The following GRID1 variants were observed in gnomAD, a reference collection of about 807,000 sequenced individuals.
GRID1 encodes glutamate ionotropic receptor delta type subunit 1.
GRID1 carries 28 observed loss-of-function variants against 98.0 expected under a neutral mutation model. The ratio of observed to expected loss-of-function variants is 0.29; its 90% confidence interval spans 0.21 to 0.39. The LOEUF is 0.39. Among genes scored for constraint, GRID1 ranks in the 10% least tolerant of loss-of-function variants. The pLI, the probability that GRID1 is intolerant of heterozygous loss-of-function variation, is 1.00. For missense variants in GRID1, 1,111 were observed against 1,340.5 expected, an observed-to-expected ratio of 0.83 and a Z score of 2.67; for synonymous variants, 553 against 538.5, an observed-to-expected ratio of 1.03 and a Z score of -0.37.
At chr10:86,042,223 T>G (rs1483525395) in intron 4 of GRID1, among the ~76,000 whole-genome samples, 3 of 152,186 alleles carry the variant, frequency 2.0e-5, no homozygotes. Context: ...CAATCCCCCC[T>G]GGGACAGACA....
At chr10:85,960,953 G>C (rs1842257802) in intron 4 of GRID1, among the ~76,000 whole-genome samples, 1 of 151,970 alleles carries the variant, frequency 6.6e-6, no homozygotes, top group Non-Finnish European at 1.5e-5. Context: ...CCTTCACCCT[G>C]AGGACTCACA....
intron 3 of GRID1, among the ~76,000 whole-genome samples, chr10:86,164,810 C>G (rs768542548): frequency 6.6e-6 from 1 of 152,178 alleles, no homozygotes; most frequent in East Asian, 1.9e-4. Flanking sequence ...CGGCCCTACA[C>G]TCACTCAGCC....
chr10:86,249,249 C>A (rs1343318670), intron 2 of GRID1, among the ~76,000 whole-genome samples: 1 of 152,204 alleles, frequency 6.6e-6, no homozygotes, highest in Non-Finnish European at 1.5e-5. Flanking sequence ...GGCAGCAGGA[C>A]CTATGTCCTG....
intron 8 of GRID1, among the ~76,000 whole-genome samples, chr10:85,753,475 C>T (rs1338076139): frequency 6.6e-6 from 1 of 152,148 alleles, no homozygotes; most frequent in Non-Finnish European, 1.5e-5. Flanking sequence ...GAAGAATAGC[C>T]AAACATGCCC....
At chr10:86,055,821 C>CTCTCTCTT (rs1226554711) in intron 4 of GRID1, among the ~76,000 whole-genome samples, 10 of 152,128 alleles carry the variant, frequency 6.6e-5, no homozygotes, top group African/African-American at 2.4e-4. Flanking sequence ...CATTCTCTCT[C>CTCTCTCTT]TCTCTCTCTC....
At chr10:85,816,580 T>C (rs1301576554) in intron 8 of GRID1, among the ~76,000 whole-genome samples, 1 of 152,242 alleles carries the variant, frequency 6.6e-6, no homozygotes, top group Non-Finnish European at 1.5e-5. Flanking sequence ...GTGATGGAAC[T>C]ATTCCACATG....
chr10:86,346,045 T>G (rs1215217265), intron 2 of GRID1, among the ~76,000 whole-genome samples: 1 of 152,236 alleles, frequency 6.6e-6, no homozygotes, highest in Non-Finnish European at 1.5e-5. Flanking sequence ...ACCACCCCTG[T>G]GCTCCCACAC....
intron 12 of GRID1, among the ~76,000 whole-genome samples, chr10:85,722,354 C>A (rs1221587728): frequency 6.6e-6 from 1 of 152,168 alleles, no homozygotes; most frequent in Non-Finnish European, 1.5e-5. Flanking sequence ...CTTCAACAAC[C>A]ACACATCCAA....
chr10:85,757,311 G>A (rs955801682), intron 8 of GRID1, among the ~76,000 whole-genome samples: 2 of 152,238 alleles, frequency 1.3e-5, no homozygotes, highest in African/African-American at 2.4e-5. Context: ...AACCCAAGCC[G>A]AATGCTTATA....
chr10:85,653,793 C>A (rs897718909), intron 12 of GRID1, among the ~76,000 whole-genome samples: 2 of 152,074 alleles, frequency 1.3e-5, no homozygotes, highest in African/African-American at 4.8e-5. Flanking sequence ...TAGGCTTGGG[C>A]CCCCGTCCGT....
intron 4 of GRID1, among the ~76,000 whole-genome samples, chr10:86,016,146 CTTT>C (rs34064996): frequency 6.8e-5 from 9 of 132,474 alleles, no homozygotes; most frequent in African/African-American, 1.4e-4. Flanking sequence ...AGAGCACCAT[CTTT>C]TTTTTTTTTT....
intron 3 of GRID1, among the ~76,000 whole-genome samples, chr10:86,162,784 G>A (rs1257828378): frequency 1.3e-5 from 2 of 152,158 alleles, no homozygotes; most frequent in Non-Finnish European, 2.9e-5. Flanking sequence ...AGTGGCCTTT[G>A]GGCATCTGTC....
chr10:86,043,443 C>A lies in GRID1; in HGVS notation c.726+95376G>T, dbSNP rs372155339. 6.6e-5 allele frequency among the ~76,000 whole-genome samples: 10 copies of A among 152,318 alleles called. No homozygotes were observed. The South Asian group carries it at 2.1e-3, about 32-fold the overall frequency. On this transcript the variant is annotated intron_variant, in intron 4 of 15. Transcript: ENST00000327946. ...AGCCAGGGAGCCCAAGGCAGTCCTC[C>A]CCTGGGAGTGCATCCTGCAGGCCTG... is the stretch of plus-strand genomic sequence containing the variant.
At chr10:86,240,947 G>A (rs1237644331) in intron 2 of GRID1, among the ~76,000 whole-genome samples, 1 of 152,242 alleles carries the variant, frequency 6.6e-6, no homozygotes, top group Non-Finnish European at 1.5e-5. Flanking sequence ...GGCTGGGTCA[G>A]AGCCCCTGAG....
chr10:86,012,801 T>C (rs983651736), intron 4 of GRID1, among the ~76,000 whole-genome samples: 3 of 152,210 alleles, frequency 2.0e-5, no homozygotes, highest in African/African-American at 7.2e-5. Context: ...CAGCAGACGC[T>C]GAATCTGCTG....
chr10:86,345,080 C>T (rs10788493), intron 2 of GRID1, among the ~76,000 whole-genome samples: 54,074 of 151,892 alleles, frequency 0.36, 11,042 homozygotes, highest in Admixed American at 0.5. Context: ...CCTTCCCTCC[C>T]GCCCTGATTC....
intron 4 of GRID1, among the ~76,000 whole-genome samples, chr10:85,922,177 A>G (rs1167917424): frequency 6.6e-6 from 1 of 152,214 alleles, no homozygotes; most frequent in African/African-American, 2.4e-5. Flanking sequence ...GCCCCGTAAC[A>G]ATGGGAACAA....
intron 4 of GRID1, among the ~76,000 whole-genome samples, chr10:86,068,438 G>A (rs919035126): frequency 6.6e-6 from 1 of 152,068 alleles, no homozygotes; most frequent in East Asian, 1.9e-4. Flanking sequence ...TGCGTTCCTC[G>A]CCATCCCCAA....
chr10:85,799,538 G>A (rs1435750017), intron 8 of GRID1, among the ~76,000 whole-genome samples: 1 of 151,970 alleles, frequency 6.6e-6, no homozygotes. Flanking sequence ...ATTACTTAGC[G>A]ATAAAAAAGA....
Sources: allele counts gnomAD v4.1 joint callset (sites outside exome capture counted in the v4.1 genomes callset), GRCh38; gene constraint gnomAD v4.1.1; transcripts MANE v1.5; gene names NCBI Gene and HGNC (gene_info 2026-07-23, HGNC 2026-07-21).